Variants in DHX37 observed in about 807,000 individuals in gnomAD.
DHX37 encodes the protein DEAH-box helicase 37, also known as probable ATP-dependent RNA helicase DHX37.
DHX37 carries 52 observed loss-of-function variants against 134.3 expected under a neutral mutation model. The ratio of observed to expected loss-of-function variants is 0.39; its 90% confidence interval spans 0.31 to 0.49. The LOEUF (loss-of-function observed/expected upper bound fraction) is 0.49, where lower values mean the gene tolerates loss of function less well. Among genes scored for constraint, DHX37 ranks in the 20% least tolerant of loss-of-function variants. DHX37 has a pLI of 0.93. For synonymous variants in DHX37, 634 were observed against 670.7 expected (o/e 0.95, Z 0.85); for missense variants, 1,344 against 1,580.8 (o/e 0.85, Z 2.54).
intron 6 of DHX37, among the ~76,000 whole-genome samples, chr12:124,974,933 C>T (rs1209545692): frequency 6.6e-6 from 1 of 152,170 alleles, no homozygotes. Context: ...TGTGCCACCA[C>T]ACCTGGCTCA....
At chr12:124,986,493 T>G (rs371564833) in intron 1 of DHX37, among the ~76,000 whole-genome samples, 4 of 152,014 alleles carry the variant, frequency 2.6e-5, no homozygotes, top group African/African-American at 9.7e-5. Flanking sequence ...GGTGGCTCAC[T>G]TGAGGTCAGG....
At chr12:124,956,557 C>G in intron 18 of DHX37, 134 bp downstream of exon 18, 1 of 1,125,448 alleles carries the variant, frequency 8.9e-7, no homozygotes, top group Non-Finnish European at 1.2e-6. Context: ...TGCACAATCT[C>G]AGCTCACTGC....
chr12:124,954,351 C>T (rs1177073815), intron 18 of DHX37, 140 bp from the exon 19 acceptor site: 1 of 1,314,440 alleles, frequency 7.6e-7, no homozygotes, highest in East Asian at 2.5e-5. Flanking sequence ...TATTAAGGTC[C>T]AGCTCAAAAT....
At chr12:124,972,625 G>T in intron 6 of DHX37, 26 bp from the exon 7 acceptor site, 1 of 1,611,634 alleles carries the variant, frequency 6.2e-7, no homozygotes, top group Non-Finnish European at 8.5e-7. Context: ...TCGGGTTAGG[G>T]CAGAGCCGTG....
chr12:124,980,745 C>T lies in DHX37; in HGVS notation c.483G>A (p.Glu161=), dbSNP rs755000611. 3 of 1,558,318 alleles carry T rather than the reference C, an allele frequency of 1.9e-6. No homozygotes were observed. In the South Asian group the frequency reaches 3.5e-5, roughly 18 times the overall value. The change falls in exon 4 of 27, where the codon GAG becomes GAA. Residue 161 remains glutamate, a synonymous_variant. Transcript: ENST00000308736. This position sits in a 1 kb window ranked among gnomAD's most constrained non-coding sequence, Gnocchi z 5.3. ...RKRRRWPSAE[E]EEEEEEESES... Reference sequence around the variant, plus strand: ...CCGACTCCTCCTCCTCCTCCTCCTCCTCCTCAGCTGAGGGCCAGCGGCGAC... The same window carrying T: ...CCGACTCCTCCTCCTCCTCCTCCTCTTCCTCAGCTGAGGGCCAGCGGCGAC...
intron 15 of DHX37, among the ~76,000 whole-genome samples, chr12:124,962,237 T>A (rs895307002): frequency 5.3e-5 from 8 of 152,074 alleles, no homozygotes; most frequent in Admixed American, 5.2e-4. Context: ...AACAAAAATA[T>A]TAAAAATAAG....
intron 18 of DHX37, among the ~76,000 whole-genome samples, chr12:124,954,652 C>T (rs545573127): frequency 2.0e-5 from 3 of 152,272 alleles, no homozygotes; most frequent in Admixed American, 1.3e-4. Flanking sequence ...CCCGTCTCGG[C>T]CTCCCAAAGT....
intron 6 of DHX37, 97 bp from the exon 7 acceptor site, chr12:124,972,696 T>C: frequency 8.1e-7 from 1 of 1,241,246 alleles, no homozygotes; most frequent in Non-Finnish European, 1.2e-6. Flanking sequence ...GGCAGGCGGC[T>C]TGAGGGCAGG....
chr12:124,981,418 T>C (rs889581246), intron 3 of DHX37, among the ~76,000 whole-genome samples: 4 of 152,172 alleles, frequency 2.6e-5, no homozygotes, highest in African/African-American at 9.7e-5. Flanking sequence ...ACACTGCTGG[T>C]GTGGCCGGAT....
intron 1 of DHX37, 72 bp from the exon 2 acceptor site, chr12:124,986,337 G>C: frequency 2.6e-6 from 4 of 1,544,762 alleles, no homozygotes; most frequent in Non-Finnish European, 3.5e-6. Flanking sequence ...CAAGCCCCCT[G>C]ACTTGCATGG....
At position 124,949,747 on chromosome 12, in the gene DHX37, A is replaced by G. The variant is rs1953936394; in HGVS notation, c.3290+239T>C. ...GACACACAGAGAGATGGCCACGTGA[A>G]GATGGAGGCAGAGACTGGAGTGATG... On this transcript the variant is annotated intron_variant, in intron 25 of 26. Transcript: ENST00000308736. This position sits in a 1 kb window ranked among gnomAD's most constrained non-coding sequence, Gnocchi z 4.0. Among the ~76,000 whole-genome samples the G allele has an allele frequency of 6.6e-6, 1 of 152,184 alleles. No homozygotes were observed. Among genetic ancestry groups the G allele is most frequent in the Non-Finnish European group, 1.5e-5 (1 of 68,020 alleles).
rs1594469794 is a variant in DHX37, at chr12:124,949,810, A to T, written c.3290+176T>A. Among the ~76,000 whole-genome samples the T allele has an allele frequency of 6.6e-6, 1 of 151,704 alleles. No homozygotes were observed. The highest frequency in any genetic ancestry group is 2.4e-5 in the African/African-American group (1 of 41,254). On this transcript the variant is annotated intron_variant, in intron 25 of 26. Coordinates refer to ENST00000308736, the MANE Select transcript of DHX37 (RefSeq NM_032656.4). The surrounding 1 kb of genome is among the most constrained non-coding windows in gnomAD (Gnocchi z 4.0). ...CAGGAGGCCGACAGAGGCAAGACGG[A>T]CCCTCCCCGAGAGCCGCTGCACAGA...
intron 3 of DHX37, among the ~76,000 whole-genome samples, chr12:124,982,293 C>T (rs965896916): frequency 4.6e-5 from 7 of 152,098 alleles, no homozygotes; most frequent in African/African-American, 7.2e-5. Flanking sequence ...ATCACTGGAG[C>T]GAGAAACTTT....
At chr12:124,969,573 C>T (rs1044034278) in intron 8 of DHX37, among the ~76,000 whole-genome samples, 82 of 152,100 alleles carry the variant, frequency 5.4e-4, no homozygotes, top group Middle Eastern at 3.4e-3. Flanking sequence ...ACCCTCTCTG[C>T]TTGGCCACTC....
At chr12:124,969,520 C>T (rs964781539) in intron 8 of DHX37, among the ~76,000 whole-genome samples, 1 of 152,052 alleles carries the variant, frequency 6.6e-6, no homozygotes, top group Non-Finnish European at 1.5e-5. Context: ...CCACAGTGAC[C>T]GTCCCTGTCT....
At chr12:124,983,357 A>C (rs1002878728) in intron 2 of DHX37, among the ~76,000 whole-genome samples, 1 of 150,380 alleles carries the variant, frequency 6.6e-6, no homozygotes, top group Non-Finnish European at 1.5e-5. Context: ...TCGGCCTCCC[A>C]AAGTTCTGGG....
Position 124,966,867 on chromosome 12 carries a change from C to T in DHX37, c.1516G>A (p.Asp506Asn), listed in dbSNP as rs146441373. ...ATTTCCTCCACCGAGTCTTTCTGAT[C>T]GTCGTCCTTTTCTGGGAGAGGGGCA... ...SRARPQEKDD[D>N]QKDSVEEMRK... The change falls in exon 12 of 27, where the codon GAT becomes AAT. Residue 506 changes from aspartate (D) to asparagine (N), a missense_variant. Physicochemically the swap from Asp to Asn is conservative, Grantham distance 23. Coordinates refer to ENST00000308736, the MANE Select transcript of DHX37 (RefSeq NM_032656.4). 7.7e-5 allele frequency: 125 copies of T among 1,614,230 alleles called. No individual in the cohort carries two copies. In the East Asian group the frequency reaches 1.1e-3, roughly 14 times the overall value.
chr12:124,956,919 C>T (rs1954109558), intron 17 of DHX37, 40 bp from the exon 18 acceptor site: 1 of 1,551,710 alleles, frequency 6.4e-7, no homozygotes, highest in Non-Finnish European at 8.7e-7. Flanking sequence ...CTGAGAGGAG[C>T]TCTGGAGCCA....
At chr12:124,959,138 ATC>A (rs1188304830) in intron 16 of DHX37, among the ~76,000 whole-genome samples, 1 of 149,956 alleles carries the variant, frequency 6.7e-6, no homozygotes. Flanking sequence ...CAATGGCACA[ATC>A]TCGGCCCATT....
Sources: gnomAD v4.1 joint callset for allele counts (sites outside exome capture counted in the v4.1 genomes callset) on GRCh38, gnomAD v4.1.1 for gene constraint, Gnocchi (gnomAD v3.1) non-coding constraint, MANE v1.5 for transcripts, NCBI Gene and HGNC (gene_info 2026-07-23, HGNC 2026-07-21) for gene names.